Variants in SNTB2 observed in about 807,000 individuals in gnomAD.
SNTB2 encodes syntrophin beta 2.
Under a neutral mutation model 46.2 loss-of-function variants are expected in SNTB2, and 34 were observed. That is an observed-to-expected ratio of 0.74 (90% CI 0.56 to 0.98). The LOEUF (loss-of-function observed/expected upper bound fraction) is 0.98, where lower values mean the gene tolerates loss of function less well. Ranked by LOEUF, SNTB2 falls within the 50% of genes least tolerant of loss-of-function variation. SNTB2 has a pLI of 0.00. For missense variants in SNTB2, 603 were observed against 731.4 expected (o/e 0.82, Z 2.02); for synonymous variants, 290 against 312.6 (o/e 0.93, Z 0.76).
chr16:69,254,784 C>T (rs1182295719), intron 2 of SNTB2, among the ~76,000 whole-genome samples: 1 of 152,126 alleles, frequency 6.6e-6, no homozygotes, highest in East Asian at 1.9e-4. Flanking sequence ...TCAAGACCAG[C>T]CTGGCAACAT....
chr16:69,237,889 C>T (rs544912128), intron 1 of SNTB2, among the ~76,000 whole-genome samples: 1 of 152,196 alleles, frequency 6.6e-6, no homozygotes, highest in Non-Finnish European at 1.5e-5. Context: ...CGGCATGAGC[C>T]ACCATGCCTG....
At chr16:69,187,773 G>GGGGGGGGGGGGGGGGGGGGGGC in intron 1 of SNTB2, 27 bp downstream of exon 1, 6 of 331,848 alleles carry the variant, frequency 1.8e-5, no homozygotes, top group East Asian at 9.7e-5. Context: ...GGGAGGGTGG[G>GGGGGGGGGGGGGGGGGGGGGGC]CAGGCCGCGG....
chr16:69,220,532 T>C (rs148314137), intron 1 of SNTB2, among the ~76,000 whole-genome samples: 3 of 151,616 alleles, frequency 2.0e-5, no homozygotes, highest in Non-Finnish European at 4.4e-5. Context: ...GTTCCATGTT[T>C]TGTTTTTTTT....
At position 69,187,529 on chromosome 16, in the gene SNTB2, A is replaced by G. The variant is rs1964003503; in HGVS notation, c.363A>G (p.Gln121=). The G allele has an allele frequency of 2.9e-6, 4 of 1,389,830 alleles. No individual in the cohort carries two copies. Among genetic ancestry groups the G allele is most frequent in the Non-Finnish European group, 2.8e-6 (3 of 1,059,624 alleles). The allele number at this position is 1,389,830 out of a possible 1,614,324, so 86.1% of individuals were successfully genotyped here. A position where few individuals can be genotyped will look rare whatever the true frequency, so the allele number is the denominator to read the frequency against. ...TGCGCCGGGTGCGGGTGGTGAAGCA[A>G]GAGGCGGGCGGCCTGGGCATCAGCA... ...PPVRRVRVVK[Q]EAGGLGISIK... is the part of the protein sequence containing the mutation. Residue 121 remains glutamine, a synonymous_variant, in exon 1 of 7, where the codon CAA becomes CAG. Coordinates refer to ENST00000336278, the MANE Select transcript of SNTB2 (RefSeq NM_006750.4).
intron 4 of SNTB2, 101 bp from the exon 5 acceptor site, chr16:69,283,947 T>A: frequency 9.2e-7 from 1 of 1,091,234 alleles, no homozygotes; most frequent in Admixed American, 2.4e-5. Context: ...CAAAAACTGC[T>A]GATTGCTTTT....
chr16:69,235,790 C>T, intron 1 of SNTB2: 3 of 1,289,326 alleles, frequency 2.3e-6, no homozygotes, highest in South Asian at 1.2e-5. Context: ...ATCAGGGGCA[C>T]ATCAGCTGCT....
Position 69,281,872 on chromosome 16 carries a change from A to G in SNTB2, c.1149-2176A>G, listed in dbSNP as rs535153509. ...AAAAAAAAGAAAGAAAGAAAAGACC[A>G]TTCTTTCTCCATTGAATCACATTTG... On this transcript the variant is annotated intron_variant, in intron 4 of 6. Coordinates refer to ENST00000336278, the MANE Select transcript of SNTB2 (RefSeq NM_006750.4). 2.7e-5 allele frequency among the ~76,000 whole-genome samples: 4 copies of G among 146,946 alleles called. No homozygotes were observed. The East Asian group carries it at 6.1e-4, about 22-fold the overall frequency.
chr16:69,295,406 C>T (rs1965214276), intron 5 of SNTB2, among the ~76,000 whole-genome samples: 1 of 151,738 alleles, frequency 6.6e-6, no homozygotes, highest in Admixed American at 6.6e-5. Context: ...TCTGCCACCA[C>T]TCCCGGCTAA....
intron 2 of SNTB2, among the ~76,000 whole-genome samples, chr16:69,255,377 T>C (rs905524888): frequency 1.3e-5 from 2 of 151,830 alleles, no homozygotes; most frequent in African/African-American, 4.8e-5. Context: ...CTGGCTAACA[T>C]GGTGAAACCC....
intron 3 of SNTB2, among the ~76,000 whole-genome samples, chr16:69,266,200 A>G (rs1284304200): frequency 6.6e-6 from 1 of 152,132 alleles, no homozygotes. Context: ...CCCCATCTCT[A>G]CTAAAAATAC....
chr16:69,224,210 A>AT (rs34419738), intron 1 of SNTB2, among the ~76,000 whole-genome samples: 117,460 of 127,694 alleles, frequency 0.92, 54,329 homozygotes, highest in South Asian at 0.96. Context: ...TTCCTTTGCA[A>AT]TTTTTTTTTT....
In SNTB2 at chr16:69,304,128, G is replaced by A. The variant is rs1965297781; in HGVS notation, c.*3204G>A. Reference sequence around the variant, plus strand: ...TTCTCTCCATAAAAAGAAAAGGAAAGGAACAAAAGAAAAACATTCAGTTTT... The same window carrying A: ...TTCTCTCCATAAAAAGAAAAGGAAAAGAACAAAAGAAAAACATTCAGTTTT... On this transcript the variant is annotated 3_prime_UTR_variant, in exon 7 of 7. Transcript: ENST00000336278. 1 of 152,150 alleles carries A rather than the reference G, an allele frequency of 6.6e-6. No individual in the cohort carries two copies. The highest frequency in any genetic ancestry group is 1.5e-5 in the Non-Finnish European group (1 of 68,018). 9.4% of individuals were successfully genotyped at this position (152,150 alleles called of 1,614,324 possible).
chr16:69,225,399 TAAC>T (rs1244074713), intron 1 of SNTB2, among the ~76,000 whole-genome samples: 1 of 152,280 alleles, frequency 6.6e-6, no homozygotes, highest in Non-Finnish European at 1.5e-5. Flanking sequence ...AAAATACGGA[TAAC>T]GATTTCCTTG....
At chr16:69,229,473 A>ATT (rs546123559) in intron 1 of SNTB2, among the ~76,000 whole-genome samples, 93 of 131,034 alleles carry the variant, frequency 7.1e-4, no homozygotes, top group Non-Finnish European at 1.0e-3. Context: ...GCCTGCCTGA[A>ATT]TTTTTTTTTT....
rs1312787182 is a variant in SNTB2, at chr16:69,307,118, G to A, written c.*6194G>A. 6.6e-6 allele frequency: 1 copy of A among 152,142 alleles called. No homozygotes were observed. The highest frequency in any genetic ancestry group is 1.5e-5 in the Non-Finnish European group (1 of 68,032). 9.4% of individuals were successfully genotyped at this position (152,142 alleles called of 1,614,324 possible). A position where few individuals can be genotyped will look rare whatever the true frequency, so the allele number is the denominator to read the frequency against. On this transcript the variant is annotated 3_prime_UTR_variant, in exon 7 of 7. Coordinates refer to ENST00000336278, the MANE Select transcript of SNTB2 (RefSeq NM_006750.4). ...TTATTAATGTATAGTTCTACACCAG[G>A]CATTCTGAAGGGTCCAAAAGAAAGT...
intron 2 of SNTB2, among the ~76,000 whole-genome samples, chr16:69,258,406 T>G (rs1439515069): frequency 6.6e-6 from 1 of 152,078 alleles, no homozygotes. Flanking sequence ...AATGTATATT[T>G]AAAATATTTT....
chr16:69,188,055 T>C (rs903554954), intron 1 of SNTB2, among the ~76,000 whole-genome samples: 42 of 150,526 alleles, frequency 2.8e-4, no homozygotes, highest in African/African-American at 9.8e-4. Context: ...ACGGCTCGAG[T>C]GGGTCTGTCT....
intron 1 of SNTB2, among the ~76,000 whole-genome samples, chr16:69,210,429 G>A (rs191360387): frequency 1.3e-5 from 2 of 151,888 alleles, no homozygotes; most frequent in African/African-American, 4.8e-5. Flanking sequence ...ATAGAGACGG[G>A]GTTTCACCAT....
intron 1 of SNTB2, among the ~76,000 whole-genome samples, chr16:69,210,019 A>ATTTT (rs137973730): frequency 1.6e-5 from 2 of 122,152 alleles, no homozygotes; most frequent in Non-Finnish European, 1.7e-5. Flanking sequence ...TTGTTATTTA[A>ATTTT]TTTTTTTTTT....
Sources: allele counts gnomAD v4.1 joint callset (sites outside exome capture counted in the v4.1 genomes callset), GRCh38; gene constraint gnomAD v4.1.1; transcripts MANE v1.5; gene names NCBI Gene and HGNC (gene_info 2026-07-23, HGNC 2026-07-21).